Variants in SDK1 observed in about 807,000 individuals in gnomAD.
The protein encoded by SDK1 is sidekick cell adhesion molecule 1, also known as protein sidekick-1.
In SDK1, 157 loss-of-function variants were observed where a neutral mutation model predicts 245.5. The ratio of observed to expected loss-of-function variants is 0.64; its 90% CI spans 0.56 to 0.73. The LOEUF is 0.73. Ranked by LOEUF, SDK1 falls within the 30% of genes least tolerant of loss-of-function variation. The pLI is 0.00. For missense variants in SDK1, 3,583 were observed against 3,002.3 expected, an observed-to-expected ratio of 1.19 and a Z score of -4.52; for synonymous variants, 1,647 against 1,278.5, an observed-to-expected ratio of 1.29 and a Z score of -6.15.
At chr7:3,838,394 C>T (rs1036233869) in intron 5 of SDK1, among the ~76,000 whole-genome samples, 2 of 152,190 alleles carry the variant, frequency 1.3e-5, no homozygotes, top group Non-Finnish European at 2.9e-5. Context: ...TGGAAGGTTT[C>T]CCCTGAGAGA....
At chr7:3,532,398 C>T (rs1783378024) in intron 1 of SDK1, among the ~76,000 whole-genome samples, 1 of 152,270 alleles carries the variant, frequency 6.6e-6, no homozygotes, top group Admixed American at 6.5e-5. Flanking sequence ...GGCTTTGGCG[C>T]TTTGCTCTGG....
intron 5 of SDK1, among the ~76,000 whole-genome samples, chr7:3,912,653 C>A (rs1779214828): frequency 6.6e-6 from 1 of 152,202 alleles, no homozygotes; most frequent in Non-Finnish European, 1.5e-5. Flanking sequence ...TCTGGGCTCT[C>A]CTGCCCCCTG....
intron 1 of SDK1, among the ~76,000 whole-genome samples, chr7:3,586,864 A>G (rs1780707059): frequency 6.6e-6 from 1 of 152,186 alleles, no homozygotes; most frequent in Non-Finnish European, 1.5e-5. Flanking sequence ...CCACTTGAGC[A>G]GGGAGGTGAC....
chr7:3,891,820 T>C (rs1215434626), intron 5 of SDK1, among the ~76,000 whole-genome samples: 1 of 152,208 alleles, frequency 6.6e-6, no homozygotes, highest in African/African-American at 2.4e-5. Context: ...TGGTGAGAAA[T>C]TGCTTCACTT....
chr7:4,043,900 C>T (rs1252762806), intron 17 of SDK1, among the ~76,000 whole-genome samples: 1 of 151,948 alleles, frequency 6.6e-6, no homozygotes, highest in Admixed American at 6.6e-5. Flanking sequence ...TAAGAGAAAA[C>T]GTCACAACAA....
chr7:4,129,698 A>T, intron 26 of SDK1: 1 of 1,399,098 alleles, frequency 7.1e-7, no homozygotes, highest in South Asian at 1.6e-5. Flanking sequence ...CACTAACTCA[A>T]GCTCCCCTGG....
At chr7:3,349,039 T>C (rs1562431738) in intron 1 of SDK1, among the ~76,000 whole-genome samples, 1 of 152,120 alleles carries the variant, frequency 6.6e-6, no homozygotes, top group African/African-American at 2.4e-5. Flanking sequence ...CTGCGCTTCT[T>C]TCTCCTTTTT....
chr7:4,140,220 G>A (rs1017652405), intron 28 of SDK1, among the ~76,000 whole-genome samples: 2 of 152,142 alleles, frequency 1.3e-5, no homozygotes, highest in African/African-American at 2.4e-5. Context: ...TCTCAGATCA[G>A]TGGCTTTGCC....
At chr7:3,314,628 A>G (rs1415921752) in intron 1 of SDK1, among the ~76,000 whole-genome samples, 1 of 152,198 alleles carries the variant, frequency 6.6e-6, no homozygotes, top group African/African-American at 2.4e-5. Flanking sequence ...TATCTGTATC[A>G]TGGAATGTTA....
intron 4 of SDK1, among the ~76,000 whole-genome samples, chr7:3,704,036 GT>G (rs1784816384): frequency 6.6e-6 from 1 of 152,034 alleles, no homozygotes; most frequent in South Asian, 2.1e-4. Flanking sequence ...CCAGTTTGTC[GT>G]TTTTTCTTCC....
chr7:3,429,661 A>G (rs1316589783), intron 1 of SDK1, among the ~76,000 whole-genome samples: 1 of 151,526 alleles, frequency 6.6e-6, no homozygotes, highest in Non-Finnish European at 1.5e-5. Context: ...CAGTGGCACA[A>G]TCTCAGTTTA....
intron 5 of SDK1, among the ~76,000 whole-genome samples, chr7:3,889,807 C>A (rs1417394908): frequency 6.6e-6 from 1 of 152,104 alleles, no homozygotes; most frequent in Non-Finnish European, 1.5e-5. Context: ...CGTGCCTGGC[C>A]TATATGATTC....
intron 1 of SDK1, among the ~76,000 whole-genome samples, chr7:3,336,778 A>G (rs1331924613): frequency 6.6e-6 from 1 of 152,170 alleles, no homozygotes; most frequent in Non-Finnish European, 1.5e-5. Context: ...TTGGAGCCAC[A>G]CTTTGGCTGG....
At chr7:3,715,576 A>T in intron 4 of SDK1, among the ~76,000 whole-genome samples, 1 of 152,248 alleles carries the variant, frequency 6.6e-6, no homozygotes. Context: ...CCTACAGAAC[A>T]AAGGAGACCA....
chr7:3,403,855 ATATATATATATAT>A (rs1583807934), intron 1 of SDK1, among the ~76,000 whole-genome samples: 5 of 91,720 alleles, frequency 5.5e-5, no homozygotes, highest in Non-Finnish European at 8.1e-5. Context: ...ATATATATAT[ATATATATATATAT>A]AATATATATA....
At chr7:3,779,243 C>G (rs1001808558) in intron 4 of SDK1, among the ~76,000 whole-genome samples, 7 of 152,142 alleles carry the variant, frequency 4.6e-5, no homozygotes, top group African/African-American at 1.7e-4. Context: ...CAACTTGTCT[C>G]TCCTACGCTT....
At chr7:3,914,280 C>T (rs942283970) in intron 5 of SDK1, among the ~76,000 whole-genome samples, 2 of 152,180 alleles carry the variant, frequency 1.3e-5, no homozygotes, top group Admixed American at 6.5e-5. Flanking sequence ...GTTATTGTGT[C>T]TTACTGGGTT....
chr7:3,518,719 C>T lies in SDK1; in HGVS notation c.299-100361C>T, dbSNP rs534392988. On this transcript the variant is annotated intron_variant, in intron 1 of 44. Transcript: ENST00000404826. ...ATACGGAGAAAAGGGAACTCTTACA[C>T]ACTATGCAGGAAAGTAAACTAGTAT... is the stretch of plus-strand genomic sequence containing the variant. 2.6e-5 allele frequency among the ~76,000 whole-genome samples: 4 copies of T among 152,130 alleles called. No individual in the cohort carries two copies. The East Asian group carries it at 7.7e-4, about 29-fold the overall frequency.
At chr7:3,451,117 G>T (rs1365738320) in intron 1 of SDK1, among the ~76,000 whole-genome samples, 1 of 152,092 alleles carries the variant, frequency 6.6e-6, no homozygotes, top group East Asian at 1.9e-4. Context: ...GGATGATACA[G>T]TAGCTGGGAG....
Sources: allele counts gnomAD v4.1 joint callset (sites outside exome capture counted in the v4.1 genomes callset), GRCh38; gene constraint gnomAD v4.1.1; transcripts MANE v1.5; gene names NCBI Gene and HGNC (gene_info 2026-07-23, HGNC 2026-07-21).